The following NCOA1 variants were observed in gnomAD, a reference collection of about 807,000 sequenced individuals.
The protein encoded by NCOA1 is nuclear receptor coactivator 1, also known as Hin-2 protein.
Under a neutral mutation model 150.9 loss-of-function variants are expected in NCOA1, and 35 were observed. That is an observed-to-expected ratio of 0.23 (90% CI 0.18 to 0.31). NCOA1 has a LOEUF of 0.31. NCOA1 is among the 10% of genes least tolerant of loss of function. The probability of loss-of-function intolerance (pLI) is 1.00; values close to 1 mark genes in which losing one functional copy is unlikely to be tolerated. For missense variants in NCOA1, 1,491 were observed against 1,749.3 expected, an observed-to-expected ratio of 0.85 and a Z score of 2.63; for synonymous variants, 590 against 630.0, an observed-to-expected ratio of 0.94 and a Z score of 0.95.
intron 3 of NCOA1, among the ~76,000 whole-genome samples, chr2:24,637,512 TA>T (rs1004282879): frequency 6.6e-6 from 1 of 151,672 alleles, no homozygotes; most frequent in Non-Finnish European, 1.5e-5. Context: ...TATGCAGCCA[TA>T]AAAAATGATG....
At chr2:24,576,179 T>TTTG (rs1666973527) in intron 2 of NCOA1, among the ~76,000 whole-genome samples, 1 of 105,960 alleles carries the variant, frequency 9.4e-6, no homozygotes, top group Non-Finnish European at 2.0e-5. Context: ...TGTTTTTTTT[T>TTTG]TTTTTTTTTT....
intron 2 of NCOA1, among the ~76,000 whole-genome samples, chr2:24,569,910 T>G (rs1666673551): frequency 6.6e-6 from 1 of 151,346 alleles, no homozygotes; most frequent in African/African-American, 2.4e-5. Flanking sequence ...ATTATACATG[T>G]CTAAAAACCA....
At position 24,674,151 on chromosome 2, in the gene NCOA1, G is replaced by GTGTA. The variant is rs141963010; in HGVS notation, c.354+689_354+690insGTAT. Among the ~76,000 whole-genome samples the GTGTA allele has an allele frequency of 2.7e-3, 386 of 145,196 alleles. 6 individuals carry two copies. Among genetic ancestry groups the GTGTA allele is most frequent in the East Asian group, 7.8e-3 (39 of 5,024 alleles). ...TGTGTGTGTGTGTGTGTGTGTGTGT[G>GTGTA]TATATATTTCTATCTCTAGGTCTAA... On this transcript the variant is annotated intron_variant, in intron 7 of 22. Coordinates refer to ENST00000348332, the MANE Select transcript of NCOA1 (RefSeq NM_003743.5).
chr2:24,607,684 T>C (rs1237724897), intron 3 of NCOA1, among the ~76,000 whole-genome samples: 1 of 151,798 alleles, frequency 6.6e-6, no homozygotes, highest in African/African-American at 2.4e-5. Context: ...AGCGAGACTC[T>C]TGTCTAAAAA....
intron 3 of NCOA1, among the ~76,000 whole-genome samples, chr2:24,643,638 A>G (rs1344301137): frequency 1.3e-5 from 2 of 152,234 alleles, no homozygotes; most frequent in East Asian, 1.9e-4. Context: ...ATCAGAATTT[A>G]TAAGTAGGAA....
intron 3 of NCOA1, among the ~76,000 whole-genome samples, chr2:24,637,752 A>G (rs1247282730): frequency 1.3e-5 from 2 of 151,974 alleles, no homozygotes; most frequent in African/African-American, 4.8e-5. Flanking sequence ...CTGGAGTGCA[A>G]TGGCATGATT....
At chr2:24,591,524 A>G (rs1004299911) in intron 3 of NCOA1, among the ~76,000 whole-genome samples, 3 of 152,170 alleles carry the variant, frequency 2.0e-5, no homozygotes, top group African/African-American at 7.2e-5. Context: ...CATTATTACT[A>G]TTTGGAATAT....
chr2:24,687,683 A>T (rs192280717), intron 8 of NCOA1, among the ~76,000 whole-genome samples: 1 of 152,012 alleles, frequency 6.6e-6, no homozygotes, highest in African/African-American at 2.4e-5. Context: ...AAACCATCAG[A>T]TCTCTTGAGA....
At chr2:24,515,957 A>G (rs1377792531) in intron 1 of NCOA1, among the ~76,000 whole-genome samples, 1 of 152,154 alleles carries the variant, frequency 6.6e-6, no homozygotes, top group Admixed American at 6.5e-5. Flanking sequence ...GAAAGAAGTT[A>G]TTCTTTTAGT....
chr2:24,690,650 T>TTAAAAAAAAAAAAAAAAAAAAAAAA (rs1558289893), intron 8 of NCOA1, among the ~76,000 whole-genome samples: 3 of 5,682 alleles, frequency 5.3e-4, no homozygotes, highest in Non-Finnish European at 1.1e-3. Context: ...AGATTCCATC[T>TTAAAAAAAAAAAAAAAAAAAAAAAA]CAAAAAAAAA....
intron 1 of NCOA1, among the ~76,000 whole-genome samples, chr2:24,528,232 C>CCAAGGCCACTGT (rs1413300734): frequency 2.7e-4 from 41 of 151,986 alleles, no homozygotes; most frequent in African/African-American, 8.7e-4. Context: ...GAAATCATTG[C>CCAAGGCCACTGT]CAAGGCCACT....
At chr2:24,743,813 C>G (rs534653971) in intron 19 of NCOA1, among the ~76,000 whole-genome samples, 10 of 152,142 alleles carry the variant, frequency 6.6e-5, no homozygotes, top group Non-Finnish European at 1.5e-4. Context: ...AAAGATTTAT[C>G]TCATGCATTA....
intron 1 of NCOA1, among the ~76,000 whole-genome samples, chr2:24,514,874 ATAT>A (rs1399539322): frequency 8.5e-5 from 13 of 152,380 alleles, no homozygotes; most frequent in Admixed American, 1.3e-4. Context: ...TGCAAAGTAA[ATAT>A]TAAGTGTAGT....
chr2:24,552,341 ATATATATATATATTTTTTTTTTTTT>A (rs1267325206), intron 1 of NCOA1, among the ~76,000 whole-genome samples: 1 of 32,650 alleles, frequency 3.1e-5, no homozygotes, highest in Non-Finnish European at 5.2e-5. Context: ...ATATATATAT[ATATATATATATATTTTTTTTTTTTT>A]TTTTTTTTTT....
intron 7 of NCOA1, among the ~76,000 whole-genome samples, chr2:24,675,028 C>G (rs561797481): frequency 1.3e-5 from 2 of 152,196 alleles, no homozygotes; most frequent in Non-Finnish European, 2.9e-5. Context: ...CTTTCTCTAC[C>G]CCTCTGGTTA....
chr2:24,522,700 A>G (rs1664466807), intron 1 of NCOA1, among the ~76,000 whole-genome samples: 1 of 152,210 alleles, frequency 6.6e-6, no homozygotes, highest in Admixed American at 6.5e-5. Flanking sequence ...AGATATTAAA[A>G]TAGATTGGAA....
chr2:24,723,453 A>G (rs1340056715), intron 14 of NCOA1, among the ~76,000 whole-genome samples: 1 of 152,208 alleles, frequency 6.6e-6, no homozygotes, highest in Non-Finnish European at 1.5e-5. Context: ...ACAAGTTCTG[A>G]ATAGAATTGC....
At chr2:24,537,253 CACA>C (rs1237031706) in intron 1 of NCOA1, among the ~76,000 whole-genome samples, 1 of 151,776 alleles carries the variant, frequency 6.6e-6, no homozygotes, top group Non-Finnish European at 1.5e-5. Context: ...CACACACACA[CACA>C]CACACACACA....
At chr2:24,759,909 T>G in intron 21 of NCOA1, among the ~76,000 whole-genome samples, 1 of 151,976 alleles carries the variant, frequency 6.6e-6, no homozygotes, top group East Asian at 1.9e-4. Context: ...TCCCTGCAAT[T>G]TATTATTTTT....
Sources: gnomAD v4.1 joint callset for allele counts (sites outside exome capture counted in the v4.1 genomes callset) on GRCh38, gnomAD v4.1.1 for gene constraint, MANE v1.5 for transcripts, NCBI Gene and HGNC (gene_info 2026-07-23, HGNC 2026-07-21) for gene names.